SATL1: variants seen among roughly 807,000 people sequenced by gnomAD.
SATL1 encodes the protein spermidine/spermine N1-acetyl transferase like 1, also known as spermidine/spermine N(1)-acetyltransferase-like protein 1.
SATL1 carries 47 observed loss-of-function variants against 51.8 expected under a neutral mutation model. The ratio of observed to expected loss-of-function variants is 0.91; its 90% CI spans 0.72 to 1.16. SATL1 has a LOEUF of 1.16. Among genes scored for constraint, SATL1 ranks in the 50% most tolerant of loss-of-function variants. SATL1 has a pLI of 0.00. For synonymous variants in SATL1, 176 were observed against 182.4 expected (o/e 0.97, Z 0.28); for missense variants, 520 against 526.4 (o/e 0.99, Z 0.12).
chrX:85,199,434 A>G (rs1229232706), intron 2 of SATL1, among the ~76,000 whole-genome samples: 1 of 111,723 alleles, frequency 9.0e-6, no homozygotes, highest in Admixed American at 9.6e-5. Context: ...CTGGGTATAT[A>G]CCCTAAAGAA....
chrX:85,189,221 C>T (rs183870729), intron 2 of SATL1, among the ~76,000 whole-genome samples: 208 of 111,628 alleles, frequency 1.9e-3, no homozygotes, highest in African/African-American at 6.3e-3. Flanking sequence ...CACTATGTTG[C>T]CATAGCAACA....
intron 4 of SATL1, among the ~76,000 whole-genome samples, chrX:85,100,093 C>A (rs930910555): frequency 1.8e-5 from 2 of 112,080 alleles, no homozygotes; most frequent in Admixed American, 1.9e-4. Flanking sequence ...GTAATCCCAG[C>A]TACTCGGGAG....
chrX:85,233,957 C>A (rs1928431611), intron 1 of SATL1, among the ~76,000 whole-genome samples: 1 of 110,841 alleles, frequency 9.0e-6, no homozygotes, highest in South Asian at 3.8e-4. Flanking sequence ...TATAAAACAC[C>A]AAGCAAATGT....
At chrX:85,123,540 A>G (rs1406945035) in intron 2 of SATL1, among the ~76,000 whole-genome samples, 1 of 111,437 alleles carries the variant, frequency 9.0e-6, no homozygotes, top group Non-Finnish European at 1.9e-5. Context: ...AATTTGTTTA[A>G]GTTCCTTATG....
At chrX:85,189,666 C>A (rs1238522366) in intron 2 of SATL1, among the ~76,000 whole-genome samples, 1 of 111,938 alleles carries the variant, frequency 8.9e-6, no homozygotes, top group Non-Finnish European at 1.9e-5. Context: ...TCAGGCATAG[C>A]AAGACATCTG....
chrX:85,197,317 C>T (rs1927587280), intron 2 of SATL1, among the ~76,000 whole-genome samples: 1 of 110,673 alleles, frequency 9.0e-6, no homozygotes, highest in African/African-American at 3.3e-5. Context: ...ATAATCACAT[C>T]AATGTAAATG....
chrX:85,199,674 C>G (rs1927650164), intron 2 of SATL1, among the ~76,000 whole-genome samples: 1 of 111,828 alleles, frequency 8.9e-6, no homozygotes, highest in African/African-American at 3.3e-5. Context: ...AAACCAGGCA[C>G]AGAAAGACAA....
intron 1 of SATL1, among the ~76,000 whole-genome samples, chrX:85,226,348 G>A (rs1928276658): frequency 9.0e-6 from 1 of 111,484 alleles, no homozygotes; most frequent in Admixed American, 9.6e-5. Context: ...TGGTCCTAAA[G>A]TTGGGTTAGA....
chrX:85,099,584 G>T (rs1759500445), intron 4 of SATL1, among the ~76,000 whole-genome samples: 1 of 111,340 alleles, frequency 9.0e-6, no homozygotes, highest in Admixed American at 9.6e-5. Context: ...GAACGTAAGG[G>T]TGCACCAACA....
intron 4 of SATL1, among the ~76,000 whole-genome samples, chrX:85,099,474 C>T (rs899418033): frequency 5.4e-5 from 6 of 111,547 alleles, no homozygotes; most frequent in African/African-American, 2.0e-4. Context: ...GCCAATATTC[C>T]TTAATAATAT....
intron 6 of SATL1, chrX:85,093,442 A>G: frequency 7.9e-6 from 3 of 377,614 alleles, no homozygotes; most frequent in South Asian, 1.1e-4. Context: ...TTTAAAGATC[A>G]GTGAAGAAGT....
At chrX:85,215,636 C>G (rs1042889870) in intron 2 of SATL1, among the ~76,000 whole-genome samples, 1 of 112,561 alleles carries the variant, frequency 8.9e-6, no homozygotes, top group African/African-American at 3.2e-5. Context: ...CAGCCTTCCA[C>G]AAAGCCCTAG....
intron 2 of SATL1, among the ~76,000 whole-genome samples, chrX:85,131,160 G>A (rs1489516249): frequency 1.8e-5 from 2 of 111,468 alleles, no homozygotes; most frequent in African/African-American, 3.3e-5. Context: ...ATGTCTATTC[G>A]GTCTGCTTGG....
chrX:85,183,718 CAATGCAT>C (rs2054236188), intron 2 of SATL1, among the ~76,000 whole-genome samples: 1 of 111,381 alleles, frequency 9.0e-6, no homozygotes, highest in South Asian at 3.8e-4. Flanking sequence ...TACAGGCACA[CAATGCAT>C]AATAATCACA....
chrX:85,219,330 C>T (rs1262696757), intron 2 of SATL1: 6 of 112,088 alleles, frequency 5.4e-5, no homozygotes, highest in Non-Finnish European at 1.1e-4. Context: ...TGCATTTATG[C>T]CATCACTTCT....
intron 1 of SATL1, among the ~76,000 whole-genome samples, chrX:85,237,089 A>G (rs1256025005): frequency 9.0e-6 from 1 of 111,190 alleles, no homozygotes; most frequent in Admixed American, 9.5e-5. Flanking sequence ...TAATGAACTA[A>G]ATTAAAGGTC....
intron 2 of SATL1, among the ~76,000 whole-genome samples, chrX:85,152,527 T>C (rs1183749521): frequency 1.5e-4 from 17 of 111,560 alleles, no homozygotes; most frequent in African/African-American, 4.6e-4. Flanking sequence ...CGTATGTTTA[T>C]TGCGGCACTA....
At chrX:85,208,227 T>G (rs925219626) in intron 2 of SATL1, among the ~76,000 whole-genome samples, 2 of 111,685 alleles carry the variant, frequency 1.8e-5, no homozygotes, top group African/African-American at 6.5e-5. Flanking sequence ...GCAAAGGACA[T>G]GAACTCATCC....
At chrX:85,212,847 A>G (rs915719202) in intron 2 of SATL1, 9 of 110,792 alleles carry the variant, frequency 8.1e-5, no homozygotes, top group Non-Finnish European at 1.9e-5. Context: ...CAATCTCCAT[A>G]TATGGTTATC....
Sources: gnomAD v4.1 joint callset for allele counts (sites outside exome capture counted in the v4.1 genomes callset) on GRCh38, gnomAD v4.1.1 for gene constraint, MANE v1.5 for transcripts, NCBI Gene and HGNC (gene_info 2026-07-23, HGNC 2026-07-21) for gene names.